The following SPATA6 variants were observed in gnomAD, a reference collection of about 807,000 sequenced individuals.
SPATA6 encodes spermatogenesis associated 6.
In SPATA6, 56 loss-of-function variants were observed where a neutral mutation model predicts 65.3. The ratio of observed to expected loss-of-function variants is 0.86; its 90% CI spans 0.69 to 1.07. The LOEUF (loss-of-function observed/expected upper bound fraction) is 1.07. SPATA6 is among the 50% of genes least tolerant of loss of function. SPATA6 has a pLI of 0.00. For synonymous variants in SPATA6, 199 were observed against 213.2 expected (o/e 0.93, Z 0.58); for missense variants, 590 against 594.8 (o/e 0.99, Z 0.08).
intron 8 of SPATA6, among the ~76,000 whole-genome samples, chr1:48,391,203 GAAAAAAAA>G (rs34715593): frequency 9.2e-6 from 1 of 108,418 alleles, no homozygotes; most frequent in Non-Finnish European, 1.9e-5. Context: ...AATCTCTACA[GAAAAAAAA>G]AAAAAAAAAA....
At chr1:48,470,978 GGT>G (rs1658193783) in intron 1 of SPATA6, among the ~76,000 whole-genome samples, 1 of 152,152 alleles carries the variant, frequency 6.6e-6, no homozygotes, top group Admixed American at 6.5e-5. Flanking sequence ...ACTAAAACGG[GGT>G]GTGGAAAGGG....
chr1:48,365,831 T>C (rs1469748598), intron 9 of SPATA6, among the ~76,000 whole-genome samples: 1 of 152,192 alleles, frequency 6.6e-6, no homozygotes, highest in Non-Finnish European at 1.5e-5. Flanking sequence ...CAACACTATG[T>C]TGAATAGGAG....
At chr1:48,467,275 A>G (rs1195261625) in intron 1 of SPATA6, among the ~76,000 whole-genome samples, 1 of 152,160 alleles carries the variant, frequency 6.6e-6, no homozygotes, top group Non-Finnish European at 1.5e-5. Flanking sequence ...AGATGAGATT[A>G]CCACTAACAC....
At chr1:48,309,231 A>G (rs928927064) in intron 11 of SPATA6, among the ~76,000 whole-genome samples, 1 of 151,906 alleles carries the variant, frequency 6.6e-6, no homozygotes, top group Non-Finnish European at 1.5e-5. Flanking sequence ...TGGAATTCTT[A>G]TTACAGTATG....
At chr1:48,365,660 C>G (rs529146314) in intron 9 of SPATA6, among the ~76,000 whole-genome samples, 2 of 152,178 alleles carry the variant, frequency 1.3e-5, no homozygotes, top group East Asian at 3.9e-4. Context: ...CCTGAGACTG[C>G]TGGAGTTGCT....
At chr1:48,457,963 T>A (rs533474877) in intron 1 of SPATA6, among the ~76,000 whole-genome samples, 1 of 151,370 alleles carries the variant, frequency 6.6e-6, no homozygotes, top group African/African-American at 2.4e-5. Flanking sequence ...GTAATTTGTA[T>A]GACAATAATA....
chr1:48,272,492 A>G, the SPATA6 span, among the ~76,000 whole-genome samples: 4 of 152,150 alleles, frequency 2.6e-5, no homozygotes, highest in African/African-American at 9.7e-5. Flanking sequence ...AACTCCATCC[A>G]TGTAGTCACA....
intron 6 of SPATA6, chr1:48,400,910 TCA>T: frequency 1.0e-6 from 1 of 982,168 alleles, no homozygotes; most frequent in Non-Finnish European, 1.3e-6. Flanking sequence ...CTCTGTGACA[TCA>T]CAGACTTACA....
intron 11 of SPATA6, among the ~76,000 whole-genome samples, chr1:48,343,693 T>C (rs1646282196): frequency 6.6e-6 from 1 of 152,054 alleles, no homozygotes. Context: ...ATACTGCAGA[T>C]AACAATGGAA....
At chr1:48,330,211 C>T (rs1176709098) in intron 11 of SPATA6, among the ~76,000 whole-genome samples, 1 of 152,172 alleles carries the variant, frequency 6.6e-6, no homozygotes, top group Non-Finnish European at 1.5e-5. Context: ...AGTGTCCAGC[C>T]CAGAGGTCCC....
intron 11 of SPATA6, among the ~76,000 whole-genome samples, chr1:48,309,745 G>A (rs532507020): frequency 6.6e-6 from 1 of 152,264 alleles, no homozygotes; most frequent in Admixed American, 6.5e-5. Context: ...GTTCTGCAAA[G>A]TCAACATTCC....
At chr1:48,464,251 G>C (rs958462300) in intron 1 of SPATA6, among the ~76,000 whole-genome samples, 1 of 152,024 alleles carries the variant, frequency 6.6e-6, no homozygotes, top group African/African-American at 2.4e-5. Flanking sequence ...TACCTACTTT[G>C]TTATCCCTAA....
At chr1:48,439,692 C>T (rs1369410173) in intron 3 of SPATA6, among the ~76,000 whole-genome samples, 1 of 150,966 alleles carries the variant, frequency 6.6e-6, no homozygotes, top group Non-Finnish European at 1.5e-5. Context: ...ATAGTAAACA[C>T]TCAGGCATTA....
intron 10 of SPATA6, among the ~76,000 whole-genome samples, chr1:48,356,015 C>T (rs1646650037): frequency 6.6e-6 from 1 of 152,020 alleles, no homozygotes; most frequent in East Asian, 1.9e-4. Flanking sequence ...CATATAGTTC[C>T]TATTCTTTAG....
the SPATA6 span, among the ~76,000 whole-genome samples, chr1:48,268,304 ATGTGTGTGTGTGTGTGTG>A: frequency 7.7e-4 from 115 of 149,328 alleles, no homozygotes; most frequent in African/African-American, 2.6e-3. Context: ...AAATAAAAAT[ATGTGTGTGTGTGTGTGTG>A]TGTGTGTGTG....
chr1:48,411,429 A>G (rs769316915), intron 5 of SPATA6, 35 bp downstream of exon 5: 2 of 1,590,386 alleles, frequency 1.3e-6, no homozygotes, highest in South Asian at 1.2e-5. Flanking sequence ...ATGATTTTCC[A>G]TCAAAAACTG....
At chr1:48,271,409 G>C in the SPATA6 span, among the ~76,000 whole-genome samples, 2 of 152,066 alleles carry the variant, frequency 1.3e-5, no homozygotes, top group African/African-American at 4.8e-5. Flanking sequence ...TTCTTCTTGA[G>C]TACTGTGGGT....
At chr1:48,439,329 T>C (rs1655238416) in intron 3 of SPATA6, among the ~76,000 whole-genome samples, 1 of 152,212 alleles carries the variant, frequency 6.6e-6, no homozygotes, top group South Asian at 2.1e-4. Flanking sequence ...GTGTTTCTGC[T>C]GCTGCGATGC....
chr1:48,286,854 T>A, the SPATA6 span, among the ~76,000 whole-genome samples: 4 of 151,942 alleles, frequency 2.6e-5, no homozygotes, highest in African/African-American at 9.7e-5. Context: ...CTGGCCAACA[T>A]GGTGAAGCCC....
Sources: gnomAD v4.1 joint callset for allele counts (sites outside exome capture counted in the v4.1 genomes callset) on GRCh38, gnomAD v4.1.1 for gene constraint, MANE v1.5 for transcripts, NCBI Gene and HGNC (gene_info 2026-07-23, HGNC 2026-07-21) for gene names.